The following LHCGR variants were observed in gnomAD, a reference collection of about 807,000 sequenced individuals.
The protein encoded by LHCGR is luteinizing hormone/choriogonadotropin receptor, also known as lutropin-choriogonadotropic hormone receptor.
A neutral mutation model predicts 60.7 loss-of-function variants in LHCGR; 55 were observed. That is an observed-to-expected ratio of 0.91 (90% CI 0.73 to 1.13). The LOEUF (loss-of-function observed/expected upper bound fraction) is 1.13. LHCGR is among the 50% of genes most tolerant of loss of function. LHCGR has a pLI of 0.00. For missense variants in LHCGR, 862 were observed against 836.0 expected, an observed-to-expected ratio of 1.03 and a Z score of -0.38; for synonymous variants, 337 against 316.5, an observed-to-expected ratio of 1.06 and a Z score of -0.69.
rs2104350792 is a variant in LHCGR at position 48,687,612 on chromosome 2, A to C, written c.*85T>G. ...AAAAATAAATAATTTCCTAAATCCA[A>C]CCCTTTATGTTAAAATTACTGGTAC... On this transcript the variant is annotated 3_prime_UTR_variant, in exon 11 of 11. Transcript: ENST00000294954. 1 of 1,149,944 alleles carries C rather than the reference A, an allele frequency of 8.7e-7. No homozygotes were observed. Among genetic ancestry groups the C allele is most frequent in the African/African-American group, 1.5e-5 (1 of 65,426 alleles). The allele number at this position is 1,149,944 out of a possible 1,614,324, so 71.2% of individuals were successfully genotyped here. A position where few individuals can be genotyped will look rare whatever the true frequency, so the allele number is the denominator to read the frequency against.
chr2:48,748,834 C>G (rs1476996204), intron 1 of LHCGR, among the ~76,000 whole-genome samples: 8 of 152,150 alleles, frequency 5.3e-5, no homozygotes, highest in African/African-American at 1.9e-4. Flanking sequence ...GAGATTTCAT[C>G]ATTGAGCCAA....
At chr2:48,708,147 C>T (rs1015213547) in intron 8 of LHCGR, among the ~76,000 whole-genome samples, 5 of 152,204 alleles carry the variant, frequency 3.3e-5, no homozygotes, top group African/African-American at 7.2e-5. Context: ...TGTTCCTATT[C>T]GGCCGTCTTG....
chr2:48,687,905 T>C lies in LHCGR; in HGVS notation c.1892A>G (p.Gln631Arg), dbSNP rs1213825854. The change falls in exon 11 of 11, where the codon CAA becomes CGA. Residue 631 changes from glutamine to arginine, a missense_variant. Physicochemically the swap from Gln to Arg is conservative, Grantham distance 43. Transcript: ENST00000294954. Reference protein sequence around the residue: ...FLYAIFTKTFQRDFFLLLSKF... With the variant: ...FLYAIFTKTFRRDFFLLLSKF... ...GCTCAGCAAAAGAAAGAAATCTCTT[T>C]GGAATGTCTTAGTGAATATTGCATA... The C allele has an allele frequency of 1.2e-6, 2 of 1,614,144 alleles. No individual in the cohort carries two copies. Among genetic ancestry groups the C allele is most frequent in the Non-Finnish European group, 1.7e-6 (2 of 1,180,022 alleles).
Position 48,687,866 on chromosome 2 carries a change from C to A in LHCGR, c.1931G>T (p.Cys644Phe). The A allele has an allele frequency of 6.2e-7, 1 of 1,614,128 alleles. No homozygotes were observed. The highest frequency in any genetic ancestry group is 8.5e-7 in the Non-Finnish European group (1 of 1,180,038). Residue 644 changes from cysteine to phenylalanine, a missense_variant, in exon 11 of 11, where the codon TGT becomes TTT. Transcript: ENST00000294954. Reference sequence around the variant, plus strand: ...TCTATAAAGTTCAGCCCGACGTTTACAGCAGCCAAATTTGCTCAGCAAAAG... The same window carrying A: ...TCTATAAAGTTCAGCCCGACGTTTAAAGCAGCCAAATTTGCTCAGCAAAAG... ...FFLLLSKFGC[C>F]KRRAELYRRK...
At chr2:48,712,817 G>A (rs1156731204) in intron 7 of LHCGR, among the ~76,000 whole-genome samples, 3 of 152,114 alleles carry the variant, frequency 2.0e-5, no homozygotes, top group Non-Finnish European at 4.4e-5. Context: ...CTGTGGCTTA[G>A]ATCGGTTAAG....
Position 48,708,907 on chromosome 2 carries a change from G to T in LHCGR, c.680+41C>A, listed in dbSNP as rs532670358. On this transcript the variant is annotated intron_variant, in intron 8 of 10. Transcript: ENST00000294954. ...GGACACCCTAAGCAGTCCTGTTGGG[G>T]TACACTGGGCAGGGAGGGGAGGCAG... 8 of 1,511,056 alleles carry T rather than the reference G, an allele frequency of 5.3e-6. No individual in the cohort carries two copies. In the South Asian group the frequency reaches 7.9e-5, roughly 15 times the overall value. The allele number at this position is 1,511,056 out of a possible 1,614,324, so 93.6% of individuals were successfully genotyped here. A position where few individuals can be genotyped will look rare whatever the true frequency, so the allele number is the denominator to read the frequency against.
In LHCGR at chr2:48,688,002, T is replaced by C; in HGVS notation, c.1795A>G (p.Ile599Val). ...AISAAFKVPL[I>V]TVTNSKVLLV... is the part of the protein sequence containing the mutation. ...AAAACTTTAGAGTTGGTTACTGTGA[T>C]AAGAGGTACTTTGAAGGCAGCTGAG... is the stretch of plus-strand genomic sequence containing the variant. Residue 599 changes from isoleucine (I) to valine (V), a missense_variant, in exon 11 of 11, where the codon ATC becomes GTC. Coordinates refer to ENST00000294954, the MANE Select transcript of LHCGR (RefSeq NM_000233.4). This position sits in a 1 kb window ranked among gnomAD's most constrained non-coding sequence, Gnocchi z 5.2. The C allele has an allele frequency of 6.2e-7, 1 of 1,614,190 alleles. No individual in the cohort carries two copies.
intron 1 of LHCGR, among the ~76,000 whole-genome samples, chr2:48,732,735 T>C (rs558699939): frequency 6.6e-6 from 1 of 152,198 alleles, no homozygotes; most frequent in Non-Finnish European, 1.5e-5. Context: ...TCACATTCGC[T>C]CTATTTCTTC....
At chr2:48,751,295 T>C (rs1441707962) in intron 1 of LHCGR, among the ~76,000 whole-genome samples, 1 of 152,230 alleles carries the variant, frequency 6.6e-6, no homozygotes, top group Non-Finnish European at 1.5e-5. Context: ...ATCAAAGCTC[T>C]CTAATAACTT....
intron 3 of LHCGR, among the ~76,000 whole-genome samples, chr2:48,726,694 G>T (rs1169706051): frequency 6.6e-6 from 1 of 152,218 alleles, no homozygotes; most frequent in African/African-American, 2.4e-5. Flanking sequence ...ATGGGCTCTG[G>T]AGTCAACTTG....
At chr2:48,739,845 G>A (rs966049885) in intron 1 of LHCGR, among the ~76,000 whole-genome samples, 1 of 152,156 alleles carries the variant, frequency 6.6e-6, no homozygotes, top group African/African-American at 2.4e-5. Context: ...TGAGAAAGAT[G>A]GCCGAATAGG....
chr2:48,692,378 C>A (rs543886095), intron 10 of LHCGR, among the ~76,000 whole-genome samples: 1 of 152,234 alleles, frequency 6.6e-6, no homozygotes, highest in Non-Finnish European at 1.5e-5. Flanking sequence ...CACTTCCTCT[C>A]GCTGTCTGGT....
chr2:48,751,159 A>T (rs909136985), intron 1 of LHCGR, among the ~76,000 whole-genome samples: 2 of 152,078 alleles, frequency 1.3e-5, no homozygotes, highest in African/African-American at 4.8e-5. Context: ...TGGGGAAGTG[A>T]CTCCTAATCA....
At chr2:48,736,067 A>G (rs1188941274) in intron 1 of LHCGR, among the ~76,000 whole-genome samples, 1 of 152,110 alleles carries the variant, frequency 6.6e-6, no homozygotes, top group African/African-American at 2.4e-5. Flanking sequence ...CCATGATTGT[A>G]AGTTTCCTGA....
At chr2:48,737,191 G>A (rs546259854) in intron 1 of LHCGR, among the ~76,000 whole-genome samples, 1 of 152,218 alleles carries the variant, frequency 6.6e-6, no homozygotes, top group South Asian at 2.1e-4. Flanking sequence ...CCTTCTAATT[G>A]TTGTTAAAAA....
intron 8 of LHCGR, among the ~76,000 whole-genome samples, chr2:48,699,830 C>T (rs944763066): frequency 1.3e-5 from 2 of 152,186 alleles, no homozygotes; most frequent in African/African-American, 4.8e-5. Flanking sequence ...TGAGGCAATG[C>T]CCAAGAAAAT....
At chr2:48,730,718 A>G (rs926974993) in intron 2 of LHCGR, among the ~76,000 whole-genome samples, 1 of 152,236 alleles carries the variant, frequency 6.6e-6, no homozygotes, top group Non-Finnish European at 1.5e-5. Flanking sequence ...ATGTCTGACA[A>G]ACATGAGATC....
intron 1 of LHCGR, among the ~76,000 whole-genome samples, chr2:48,746,757 G>C (rs1669725648): frequency 6.6e-6 from 1 of 152,164 alleles, no homozygotes; most frequent in Non-Finnish European, 1.5e-5. Flanking sequence ...ATTTTCTAAA[G>C]AAACAAAGCA....
chr2:48,692,119 C>T (rs761354438), intron 10 of LHCGR, among the ~76,000 whole-genome samples: 22 of 152,104 alleles, frequency 1.4e-4, no homozygotes, highest in Non-Finnish European at 2.4e-4. Context: ...TTACCCCAAA[C>T]CCTGAATAAA....
Sources: allele counts gnomAD v4.1 joint callset (sites outside exome capture counted in the v4.1 genomes callset), GRCh38; gene constraint gnomAD v4.1.1; non-coding constraint Gnocchi (gnomAD v3.1); transcripts MANE v1.5; gene names NCBI Gene and HGNC (gene_info 2026-07-23, HGNC 2026-07-21).